The following STK32C variants were observed in gnomAD, a reference collection of about 807,000 sequenced individuals.
STK32C encodes serine/threonine kinase 32C.
STK32C carries 31 observed loss-of-function variants against 56.5 expected under a neutral mutation model. The ratio of observed to expected loss-of-function variants is 0.55; its 90% CI spans 0.41 to 0.74. STK32C has a LOEUF of 0.74. STK32C is among the 30% of genes least tolerant of loss of function. STK32C has a pLI of 0.00. For synonymous variants in STK32C, 309 were observed against 289.4 expected, an observed-to-expected ratio of 1.07 and a Z score of -0.69; for missense variants, 544 against 676.9, an observed-to-expected ratio of 0.80 and a Z score of 2.18.
At chr10:132,298,678 G>C (rs376934751) in intron 1 of STK32C, among the ~76,000 whole-genome samples, 1 of 151,994 alleles carries the variant, frequency 6.6e-6, no homozygotes, top group African/African-American at 2.4e-5. Flanking sequence ...GGAGTTGAGC[G>C]CCGTGTGTGG....
At chr10:132,232,969 CCCAGAAGCAAATG>C (rs1359598203) in intron 2 of STK32C, among the ~76,000 whole-genome samples, 3 of 152,152 alleles carry the variant, frequency 2.0e-5, no homozygotes, top group Non-Finnish European at 4.4e-5. Context: ...ATTTTTGTTC[CCCAGAAGCAAATG>C]CCTGACCACA....
At chr10:132,214,959 A>C (rs1565063432) in intron 10 of STK32C, among the ~76,000 whole-genome samples, 2 of 152,278 alleles carry the variant, frequency 1.3e-5, no homozygotes, top group African/African-American at 4.8e-5. Flanking sequence ...GGGAAAAAGG[A>C]AGAACAATAA....
upstream of STK32C, among the ~76,000 whole-genome samples, chr10:132,310,942 G>A (rs137974606): frequency 3.2e-4 from 48 of 152,250 alleles, no homozygotes; most frequent in Non-Finnish European, 2.2e-4. This position sits in a 1 kb window ranked among gnomAD's most constrained non-coding sequence, Gnocchi z 4.6. Context: ...GGTAGAAACC[G>A]GCTTGTGCGG....
chr10:132,310,152 G>A (rs2066192561), upstream of STK32C, among the ~76,000 whole-genome samples: 1 of 152,170 alleles, frequency 6.6e-6, no homozygotes, highest in African/African-American at 2.4e-5. The surrounding 1 kb of genome is among the most constrained non-coding windows in gnomAD (Gnocchi z 4.6). Context: ...GGGGCAGAGG[G>A]GTTCATGGGG....
chr10:132,281,066 C>G (rs2065187804), intron 1 of STK32C, among the ~76,000 whole-genome samples: 1 of 152,086 alleles, frequency 6.6e-6, no homozygotes, highest in Non-Finnish European at 1.5e-5. Flanking sequence ...ACTCTGTGAT[C>G]ATGCAACTAC....
intron 2 of STK32C, among the ~76,000 whole-genome samples, chr10:132,232,021 C>T (rs561425995): frequency 3.3e-5 from 5 of 152,352 alleles, no homozygotes; most frequent in African/African-American, 9.6e-5. Flanking sequence ...GCTTTCTCCA[C>T]GCCTCCTGTG....
downstream of STK32C, among the ~76,000 whole-genome samples, chr10:132,319,192 G>A (rs112599481): frequency 7.9e-5 from 12 of 152,134 alleles, no homozygotes; most frequent in South Asian, 6.2e-4. Context: ...CAGGTGATCC[G>A]CCCACCTCGG....
At chr10:132,274,624 A>T (rs1229393530) in intron 1 of STK32C, among the ~76,000 whole-genome samples, 1 of 152,196 alleles carries the variant, frequency 6.6e-6, no homozygotes, top group African/African-American at 2.4e-5. Flanking sequence ...GCCCACCAGG[A>T]GCCACGGACG....
At position 132,254,463 on chromosome 10, in the gene STK32C, C is replaced by T. The variant is rs192151885; in HGVS notation, c.263-8508G>A. On this transcript the variant is annotated intron_variant, in intron 1 of 11. Transcript: ENST00000298630. ...GCCGGGAATCAGCACTATGTCACCC[C>T]GGCACAATGCGTGCACCCTCCACGA... is the stretch of plus-strand genomic sequence containing the variant. Among the ~76,000 whole-genome samples, 206 of 151,236 alleles carry T rather than the reference C, an allele frequency of 1.4e-3. 2 individuals are homozygous for T. The highest frequency in any genetic ancestry group is 4.2e-3 in the African/African-American group (175 of 41,226).
chr10:132,247,604 C>A (rs1179700579), intron 1 of STK32C, among the ~76,000 whole-genome samples: 1 of 152,044 alleles, frequency 6.6e-6, no homozygotes, highest in Non-Finnish European at 1.5e-5. Flanking sequence ...GAGGGGCCAG[C>A]CTGGGCACAG....
intron 2 of STK32C, among the ~76,000 whole-genome samples, chr10:132,242,248 G>A (rs1319241724): frequency 6.6e-6 from 1 of 152,178 alleles, no homozygotes; most frequent in Non-Finnish European, 1.5e-5. Context: ...TCTGAGAGGG[G>A]CCATGAGCTG....
downstream of STK32C, among the ~76,000 whole-genome samples, chr10:132,321,457 C>T (rs2066406240): frequency 6.6e-6 from 1 of 152,142 alleles, no homozygotes; most frequent in Admixed American, 6.5e-5. Context: ...TAAGATGACC[C>T]AAGGCCAGCT....
chr10:132,249,020 C>A (rs922763307), intron 1 of STK32C: 16 of 468,396 alleles, frequency 3.4e-5, no homozygotes, highest in African/African-American at 5.9e-5. Context: ...GTCACCTGCG[C>A]CCTGCACACC....
upstream of STK32C, among the ~76,000 whole-genome samples, chr10:132,309,397 C>T (rs1025399139): frequency 6.6e-6 from 1 of 152,202 alleles, no homozygotes; most frequent in Non-Finnish European, 1.5e-5. Flanking sequence ...CCTGGACATG[C>T]ACCCGCTTAG....
chr10:132,249,104 C>G (rs776004452), intron 1 of STK32C: 2 of 470,878 alleles, frequency 4.2e-6, no homozygotes, highest in Non-Finnish European at 8.5e-6. Context: ...AGCAGCAAGG[C>G]GCATGCGTGC....
chr10:132,259,202 G>C (rs1453965034), intron 1 of STK32C, among the ~76,000 whole-genome samples: 1 of 152,230 alleles, frequency 6.6e-6, no homozygotes, highest in Non-Finnish European at 1.5e-5. Flanking sequence ...GGGCAGGTGG[G>C]AAAATGGGCC....
chr10:132,325,727 T>C (rs910254954), intron 1 of STK32C, among the ~76,000 whole-genome samples: 6 of 102,192 alleles, frequency 5.9e-5, no homozygotes, highest in African/African-American at 1.9e-4. Context: ...GGTATGTCTT[T>C]TTTTTTTTTT....
chr10:132,330,096 T>G (rs2066614199), intron 1 of STK32C, among the ~76,000 whole-genome samples: 1 of 152,192 alleles, frequency 6.6e-6, no homozygotes, highest in Admixed American at 6.5e-5. Context: ...GTTCCTACGT[T>G]GGGAGGCTCA....
intron 2 of STK32C, among the ~76,000 whole-genome samples, chr10:132,231,618 C>T (rs1462527748): frequency 6.6e-6 from 1 of 152,182 alleles, no homozygotes; most frequent in Non-Finnish European, 1.5e-5. Context: ...CGGAATGTGG[C>T]CTTATTCGGA....
Sources: allele counts gnomAD v4.1 joint callset (sites outside exome capture counted in the v4.1 genomes callset), GRCh38; gene constraint gnomAD v4.1.1; non-coding constraint Gnocchi (gnomAD v3.1); transcripts MANE v1.5; gene names NCBI Gene and HGNC (gene_info 2026-07-23, HGNC 2026-07-21).